PCSK2: variants seen among roughly 807,000 people sequenced by gnomAD.
The protein encoded by PCSK2 is neuroendocrine convertase 2.
PCSK2 carries 14 observed loss-of-function variants against 69.7 expected under a neutral mutation model. The ratio of observed to expected loss-of-function variants is 0.20; its 90% CI spans 0.13 to 0.31. The LOEUF (loss-of-function observed/expected upper bound fraction) is 0.31, where lower values mean the gene tolerates loss of function less well. PCSK2 is among the 10% of genes least tolerant of loss of function. PCSK2 has a pLI of 1.00. For missense variants in PCSK2, 544 were observed against 842.5 expected, an observed-to-expected ratio of 0.65 and a Z score of 4.39; for synonymous variants, 307 against 320.7, an observed-to-expected ratio of 0.96 and a Z score of 0.46.
At chr20:17,324,409 C>T (rs1438148583) in intron 2 of PCSK2, among the ~76,000 whole-genome samples, 1 of 152,084 alleles carries the variant, frequency 6.6e-6, no homozygotes, top group Non-Finnish European at 1.5e-5. Context: ...TATCAGGGTT[C>T]TTAGGTTTAA....
intron 10 of PCSK2, among the ~76,000 whole-genome samples, chr20:17,458,827 C>T (rs1237630696): frequency 6.6e-6 from 1 of 152,172 alleles, no homozygotes; most frequent in African/African-American, 2.4e-5. Flanking sequence ...AAAATGCCTA[C>T]TTGAGTCACA....
rs1295595962 is a variant in PCSK2, at chr20:17,339,168, C to T, written c.283-19159C>T. ...AGTGATCAAATTTCACATTGTGAAACGAGACACGATGCAGCTTTTTAAAAT... is the reference window on the plus strand; with the variant it reads ...AGTGATCAAATTTCACATTGTGAAATGAGACACGATGCAGCTTTTTAAAAT... On this transcript the variant is annotated intron_variant, in intron 2 of 11. Transcript: ENST00000262545. Among the ~76,000 whole-genome samples, 5 of 152,158 alleles carry T rather than the reference C, an allele frequency of 3.3e-5. No individual in the cohort carries two copies. The South Asian group carries it at 6.2e-4, about 19-fold the overall frequency.
intron 3 of PCSK2, 85 bp downstream of exon 3, chr20:17,358,525 G>GA: frequency 2.5e-6 from 2 of 788,606 alleles, no homozygotes; most frequent in Non-Finnish European, 4.4e-6. Context: ...TTATTCACTA[G>GA]GATGTTAGCC....
At chr20:17,460,251 G>A (rs1175368180) in intron 10 of PCSK2, among the ~76,000 whole-genome samples, 1 of 151,634 alleles carries the variant, frequency 6.6e-6, no homozygotes, top group African/African-American at 2.4e-5. Context: ...GAAGGAGAGA[G>A]AGAAAGAAAG....
At chr20:17,312,956 T>C (rs944232196) in intron 2 of PCSK2, among the ~76,000 whole-genome samples, 6 of 152,160 alleles carry the variant, frequency 3.9e-5, no homozygotes, top group African/African-American at 1.4e-4. Flanking sequence ...GGGTCACTAA[T>C]CTAGCGAAAG....
chr20:17,353,706 T>G (rs1003111736), intron 2 of PCSK2, among the ~76,000 whole-genome samples: 1 of 152,176 alleles, frequency 6.6e-6, no homozygotes, highest in Non-Finnish European at 1.5e-5. Flanking sequence ...TGTTCAGTGC[T>G]ACACTATTCA....
At chr20:17,451,341 C>T (rs539442309) in intron 8 of PCSK2, among the ~76,000 whole-genome samples, 1 of 152,242 alleles carries the variant, frequency 6.6e-6, no homozygotes, top group South Asian at 2.1e-4. Flanking sequence ...AGGTCAGCTG[C>T]GTTGTTCTGC....
At chr20:17,434,178 C>T (rs1202065691) in intron 7 of PCSK2, among the ~76,000 whole-genome samples, 1 of 65,672 alleles carries the variant, frequency 1.5e-5, no homozygotes, top group Non-Finnish European at 3.0e-5. Flanking sequence ...TTGTCTCTCT[C>T]CCTCTATCTA....
At chr20:17,292,849 G>A (rs941591409) in intron 2 of PCSK2, among the ~76,000 whole-genome samples, 4 of 151,890 alleles carry the variant, frequency 2.6e-5, no homozygotes, top group Non-Finnish European at 4.4e-5. Context: ...TTGTTTGAGA[G>A]TGTCTAGCTT....
At chr20:17,479,178 A>G (rs1028630775) in intron 11 of PCSK2, 26 of 1,384,374 alleles carry the variant, frequency 1.9e-5, no homozygotes, top group Middle Eastern at 1.8e-4. Flanking sequence ...TGGTATCCCA[A>G]AAACAGGAGC....
At chr20:17,433,385 T>G (rs1401857074) in intron 7 of PCSK2, among the ~76,000 whole-genome samples, 1 of 152,212 alleles carries the variant, frequency 6.6e-6, no homozygotes, top group African/African-American at 2.4e-5. Flanking sequence ...TGGATGAGCA[T>G]GAATTTCCTC....
intron 5 of PCSK2, among the ~76,000 whole-genome samples, chr20:17,396,146 T>G (rs528866611): frequency 1.4e-4 from 22 of 152,288 alleles, no homozygotes; most frequent in African/African-American, 5.1e-4. Flanking sequence ...CAACACAAAT[T>G]TAGACTCTGG....
chr20:17,275,084 CATATATATATATATATAT>C (rs11474649), intron 2 of PCSK2, among the ~76,000 whole-genome samples: 1 of 141,550 alleles, frequency 7.1e-6, no homozygotes, highest in Non-Finnish European at 1.5e-5. Context: ...ATTATTTATA[CATATATATATATATATAT>C]ATATATATAT....
At chr20:17,343,516 G>A (rs1990566552) in intron 2 of PCSK2, among the ~76,000 whole-genome samples, 1 of 152,212 alleles carries the variant, frequency 6.6e-6, no homozygotes, top group South Asian at 2.1e-4. Flanking sequence ...CTCTCTCTCT[G>A]CATGCGGGAG....
chr20:17,347,787 CGAAAGAAAGAAAGAAAGAAAGAAAGAAA>C lies in PCSK2; in HGVS notation c.283-10493_283-10466del, dbSNP rs58349005. On this transcript the variant is annotated intron_variant, in intron 2 of 11. Coordinates refer to ENST00000262545, the MANE Select transcript of PCSK2 (RefSeq NM_002594.5). ...CTAAAACTGCTGAAAGACACATAGA[CGAAAGAAAGAAAGAAAGAAAGAAAGAAA>C]GAAAGAAAGAAAGAAAGAAAGAAAG... 6.3e-3 allele frequency among the ~76,000 whole-genome samples: 305 copies of C among 48,532 alleles called. 6 individuals carry two copies. The highest frequency in any genetic ancestry group is 0.014 in the South Asian group (17 of 1,212). The allele number at this position is 48,532 out of a possible 152,430, so 31.8% of individuals were successfully genotyped here.
At chr20:17,279,195 G>A (rs560855841) in intron 2 of PCSK2, among the ~76,000 whole-genome samples, 26 of 152,224 alleles carry the variant, frequency 1.7e-4, no homozygotes, top group African/African-American at 5.8e-4. Context: ...CATGAGAGGC[G>A]ACTTTTTAGG....
At chr20:17,460,711 A>G (rs1230923743) in intron 10 of PCSK2, among the ~76,000 whole-genome samples, 2 of 152,236 alleles carry the variant, frequency 1.3e-5, no homozygotes, top group Non-Finnish European at 2.9e-5. Flanking sequence ...TTTAAGGTTG[A>G]ATATGCCTTA....
intron 11 of PCSK2, among the ~76,000 whole-genome samples, chr20:17,476,323 C>T (rs1342060962): frequency 6.6e-5 from 10 of 152,172 alleles, no homozygotes; most frequent in African/African-American, 1.7e-4. Context: ...CTGTCCAGTA[C>T]AGACGCAACC....
At chr20:17,382,142 G>C (rs78958166) in intron 5 of PCSK2, among the ~76,000 whole-genome samples, 7 of 152,110 alleles carry the variant, frequency 4.6e-5, no homozygotes, top group Non-Finnish European at 1.5e-5. Flanking sequence ...GTTGGCTAAC[G>C]AAGTATGAGA....
Sources: allele counts gnomAD v4.1 joint callset (sites outside exome capture counted in the v4.1 genomes callset), GRCh38; gene constraint gnomAD v4.1.1; transcripts MANE v1.5; gene names NCBI Gene and HGNC (gene_info 2026-07-23, HGNC 2026-07-21).